The following SLC47A1 variants were observed in gnomAD, a reference collection of about 807,000 sequenced individuals.
SLC47A1 encodes multidrug and toxin extrusion protein 1.
Under a neutral mutation model 65.8 loss-of-function variants are expected in SLC47A1, and 58 were observed. That is an observed-to-expected ratio of 0.88 (90% CI 0.71 to 1.10). The LOEUF (loss-of-function observed/expected upper bound fraction) is 1.10, where lower values mean the gene tolerates loss of function less well. Among genes scored for constraint, SLC47A1 ranks in the 50% least tolerant of loss-of-function variants. The pLI is 0.00. For synonymous variants in SLC47A1, 285 were observed against 295.0 expected (o/e 0.97, Z 0.35); for missense variants, 706 against 719.2 (o/e 0.98, Z 0.21).
Position 19,567,248 on chromosome 17 carries a change from G to A in SLC47A1, c.1309+20G>A. 3.1e-6 allele frequency: 5 copies of A among 1,614,048 alleles called. No individual in the cohort carries two copies. The highest frequency in any genetic ancestry group is 4.2e-6 in the Non-Finnish European group (5 of 1,180,012). ...TGATGGGTAAGCTCTAACCTCTGCA[G>A]GCAGGGCTTAGCTGCTCACCAGCCC... On this transcript the variant is annotated intron_variant, in intron 14 of 16. Transcript: ENST00000270570.
intron 5 of SLC47A1, among the ~76,000 whole-genome samples, chr17:19,550,371 A>T (rs970730706): frequency 2.0e-5 from 3 of 152,074 alleles, no homozygotes; most frequent in African/African-American, 7.2e-5. Context: ...GCTGAAGTGC[A>T]GTGGCACAGT....
intron 1 of SLC47A1, among the ~76,000 whole-genome samples, chr17:19,541,461 T>A (rs1336762616): frequency 6.6e-6 from 1 of 152,090 alleles, no homozygotes; most frequent in Admixed American, 6.5e-5. Context: ...CATTATCCAA[T>A]CATGCAGTGA....
chr17:19,563,334 G>C (rs1040180934), intron 12 of SLC47A1, among the ~76,000 whole-genome samples: 1 of 151,524 alleles, frequency 6.6e-6, no homozygotes, highest in Non-Finnish European at 1.5e-5. Flanking sequence ...GGGTTTCACC[G>C]TGTTAGCCAG....
At chr17:19,562,564 CA>C (rs35648662) in intron 12 of SLC47A1, among the ~76,000 whole-genome samples, 10,200 of 138,540 alleles carry the variant, frequency 0.074, 837 homozygotes, top group African/African-American at 0.21. Flanking sequence ...GACTCTGTCT[CA>C]AAAAAAAAAA....
chr17:19,559,570 C>T (rs536251652), intron 10 of SLC47A1, among the ~76,000 whole-genome samples: 10 of 152,276 alleles, frequency 6.6e-5, no homozygotes, highest in Non-Finnish European at 1.2e-4. Flanking sequence ...TTCACTCTGT[C>T]GCACAGGCTG....
Position 19,533,860 on chromosome 17 carries a change from G to T in SLC47A1, c.-80G>T. 2 of 1,372,742 alleles carry T rather than the reference G, an allele frequency of 1.5e-6. No individual in the cohort carries two copies. The highest frequency in any genetic ancestry group is 1.9e-6 in the Non-Finnish European group (2 of 1,063,466). The allele number at this position is 1,372,742 out of a possible 1,614,324, so 85.0% of individuals were successfully genotyped here. A position where few individuals can be genotyped will look rare whatever the true frequency, so the allele number is the denominator to read the frequency against. ...GCTGCACTGCGCGGTACCCACTGCC[G>T]GCCTGCGCGGTACTCACTGCCGGCC... On this transcript the variant is annotated 5_prime_UTR_variant, in exon 1 of 17. Coordinates refer to ENST00000270570, the MANE Select transcript of SLC47A1 (RefSeq NM_018242.3).
intron 15 of SLC47A1, among the ~76,000 whole-genome samples, chr17:19,572,316 C>T (rs2084405896): frequency 6.6e-6 from 1 of 152,036 alleles, no homozygotes; most frequent in African/African-American, 2.4e-5. Context: ...TCTTAAGAGA[C>T]AGGCTCTCAC....
chr17:19,573,716 T>C (rs2084417864), intron 16 of SLC47A1, among the ~76,000 whole-genome samples: 1 of 151,492 alleles, frequency 6.6e-6, no homozygotes, highest in African/African-American at 2.4e-5. Context: ...GACTTTATAT[T>C]TGAAAATTGT....
chr17:19,540,704 C>T (rs1286315015), intron 1 of SLC47A1, among the ~76,000 whole-genome samples: 1 of 152,188 alleles, frequency 6.6e-6, no homozygotes, highest in Non-Finnish European at 1.5e-5. Context: ...CTTATTTTGG[C>T]TTACGCAAAA....
intron 10 of SLC47A1, among the ~76,000 whole-genome samples, chr17:19,559,618 G>A (rs2084291277): frequency 6.6e-6 from 1 of 152,102 alleles, no homozygotes; most frequent in Non-Finnish European, 1.5e-5. Flanking sequence ...TGCAACCTCC[G>A]CCTCCCAGGT....
At chr17:19,563,128 CTT>C (rs572651224) in intron 12 of SLC47A1, among the ~76,000 whole-genome samples, 936 of 82,532 alleles carry the variant, frequency 0.011, 8 homozygotes, top group East Asian at 0.066. Flanking sequence ...TAAGAGAAAG[CTT>C]TTTTTTTTTT....
In SLC47A1 at chr17:19,543,986, C is replaced by T. The variant is rs184326288; in HGVS notation, c.237+1492C>T. Among the ~76,000 whole-genome samples the T allele has an allele frequency of 1.4e-3, 215 of 152,284 alleles. 1 individual carries two copies. The highest frequency in any genetic ancestry group is 2.4e-3 in the Non-Finnish European group (161 of 68,032). Reference sequence around the variant, plus strand: ...AATTATTTATTTTGAGATGGAGTCTCGCTCTGTCGCCCGGTCTGGAGTGCA... The same window carrying T: ...AATTATTTATTTTGAGATGGAGTCTTGCTCTGTCGCCCGGTCTGGAGTGCA... On this transcript the variant is annotated intron_variant, in intron 2 of 16. Coordinates refer to ENST00000270570, the MANE Select transcript of SLC47A1 (RefSeq NM_018242.3).
chr17:19,545,687 A>T (rs1704921439), intron 2 of SLC47A1, among the ~76,000 whole-genome samples: 1 of 151,530 alleles, frequency 6.6e-6, no homozygotes, highest in South Asian at 2.1e-4. Flanking sequence ...ACGAGTTTTC[A>T]TCATGCTGCC....
chr17:19,566,194 G>A (rs1422051056), intron 12 of SLC47A1, among the ~76,000 whole-genome samples: 4 of 152,134 alleles, frequency 2.6e-5, no homozygotes, highest in Non-Finnish European at 5.9e-5. Context: ...TAATGTATTT[G>A]TGTATAAGGA....
At chr17:19,577,200 A>T in intron 16 of SLC47A1, 127 bp from the exon 17 acceptor site, 1 of 1,287,184 alleles carries the variant, frequency 7.8e-7, no homozygotes, top group Non-Finnish European at 1.1e-6. Context: ...TTATTTATTC[A>T]CTGTAGCAAT....
At position 19,548,078 on chromosome 17, in the gene SLC47A1, T is replaced by C; in HGVS notation, c.400T>C (p.Phe134Leu). ...LLCCFPCWAL[F>L]LNTQHILLLF... ...CTGCTGCTTCCCCTGCTGGGCGCTCTTTCTCAACACCCAGCACATCCTGCT... is the reference window on the plus strand; with the variant it reads ...CTGCTGCTTCCCCTGCTGGGCGCTCCTTCTCAACACCCAGCACATCCTGCT... The change falls in exon 4 of 17, where the codon TTT becomes CTT. Residue 134 changes from phenylalanine (F) to leucine (L), a missense_variant. Phe to Leu is a conservative substitution (Grantham distance 22). Transcript: ENST00000270570. 2 of 1,614,116 alleles carry C rather than the reference T, an allele frequency of 1.2e-6. No individual in the cohort carries two copies. The highest frequency in any genetic ancestry group is 4.5e-5 in the East Asian group (2 of 44,884).
At position 19,566,815 on chromosome 17, in the gene SLC47A1, G is replaced by A. The variant is rs766950364; in HGVS notation, c.1132G>A (p.Val378Met). 1.2e-6 allele frequency: 2 copies of A among 1,614,150 alleles called. No homozygotes were observed. The highest frequency in any genetic ancestry group is 1.7e-6 in the Non-Finnish European group (2 of 1,180,018). ...AGACATCATTAATCTGGTGGCTCAG[G>A]TGGTTCCAATTTATGCTGTTTCCCA... ...DRDIINLVAQ[V>M]VPIYAVSHLF... The change falls in exon 13 of 17, where the codon GTG becomes ATG. Residue 378 changes from valine (V) to methionine (M), a missense_variant. By Grantham distance (21) the Val-to-Met change is conservative. Transcript: ENST00000270570.
chr17:19,576,351 CTTT>C (rs199805601), intron 16 of SLC47A1, among the ~76,000 whole-genome samples: 10 of 123,278 alleles, frequency 8.1e-5, no homozygotes, highest in Non-Finnish European at 1.3e-4. Context: ...TTCTTCCTTC[CTTT>C]TTTTTTTTTT....
intron 1 of SLC47A1, among the ~76,000 whole-genome samples, chr17:19,541,284 C>T (rs1672512481): frequency 1.3e-5 from 2 of 152,136 alleles, no homozygotes; most frequent in African/African-American, 4.8e-5. Flanking sequence ...AGCAGCAAAT[C>T]CTTACACACC....
Sources: gnomAD v4.1 joint callset for allele counts (sites outside exome capture counted in the v4.1 genomes callset) on GRCh38, gnomAD v4.1.1 for gene constraint, MANE v1.5 for transcripts, NCBI Gene and HGNC (gene_info 2026-07-23, HGNC 2026-07-21) for gene names.